The following HIVEP3 variants were observed in gnomAD, a reference collection of about 807,000 sequenced individuals.
The protein encoded by HIVEP3 is transcription factor HIVEP3.
A neutral mutation model predicts 152.8 loss-of-function variants in HIVEP3; 49 were observed. The observed-to-expected ratio is 0.32, with a 90% CI of 0.26 to 0.41. The LOEUF (loss-of-function observed/expected upper bound fraction) is 0.41. Ranked by LOEUF, HIVEP3 falls within the 10% of genes least tolerant of loss-of-function variation. The pLI is 1.00. For missense variants in HIVEP3, 2,790 were observed against 3,103.3 expected, an observed-to-expected ratio of 0.90 and a Z score of 2.40; for synonymous variants, 1,269 against 1,289.0, an observed-to-expected ratio of 0.98 and a Z score of 0.33.
chr1:41,760,989 C>T (rs1386994547), intron 1 of HIVEP3, among the ~76,000 whole-genome samples: 1 of 152,194 alleles, frequency 6.6e-6, no homozygotes, highest in Non-Finnish European at 1.5e-5. Context: ...GCTCCCTTCT[C>T]TTTTTTGGAA....
At chr1:41,562,635 C>T (rs369455663) in intron 5 of HIVEP3, among the ~76,000 whole-genome samples, 35,075 of 92,964 alleles carry the variant, frequency 0.38, 5,550 homozygotes, top group Non-Finnish European at 0.52. Context: ...CTCTCTCTCC[C>T]TCTCTCTCTC....
At chr1:41,737,924 C>A (rs1646942143) in intron 1 of HIVEP3, among the ~76,000 whole-genome samples, 1 of 152,210 alleles carries the variant, frequency 6.6e-6, no homozygotes, top group South Asian at 2.1e-4. Flanking sequence ...ATCCTACTTG[C>A]CAGGCCCTGT....
At chr1:41,958,588 C>T (rs1451644723) in intron 1 of HIVEP3, among the ~76,000 whole-genome samples, 2 of 152,206 alleles carry the variant, frequency 1.3e-5, no homozygotes, top group East Asian at 3.9e-4. Flanking sequence ...CAGGCCCACC[C>T]CCACTATGTC....
In HIVEP3 at chr1:41,583,793, G is replaced by A. The variant is rs775734885; in HGVS notation, c.1005C>T (p.Leu335=). The A allele has an allele frequency of 5.1e-5, 82 of 1,592,392 alleles. No homozygotes were observed. Among genetic ancestry groups the A allele is most frequent in the Non-Finnish European group, 6.7e-5 (78 of 1,168,672 alleles). ...GTTCCACAAATGGAGGGGGGTCTTC[G>A]AGTGACTGGGCTGTGCTGGACTGGG... The part of the protein sequence containing the change: ...SLSQSSTAQS[L]EDPPPFVEPS... The change falls in exon 4 of 9, where the codon CTC becomes CTT. Residue 335 remains leucine, a synonymous_variant. Coordinates refer to ENST00000372583, the MANE Select transcript of HIVEP3 (RefSeq NM_024503.5). The surrounding 1 kb of genome is among the most constrained non-coding windows in gnomAD (Gnocchi z 6.9).
chr1:41,722,261 CCT>C (rs916893572), intron 1 of HIVEP3, among the ~76,000 whole-genome samples: 4 of 152,206 alleles, frequency 2.6e-5, no homozygotes, highest in Non-Finnish European at 5.9e-5. Context: ...CCTCCCTTCA[CCT>C]CTCTGACATC....
Position 41,583,210 on chromosome 1 carries a change from T to C in HIVEP3, c.1588A>G (p.Ser530Gly). Residue 530 changes from serine (S) to glycine (G), a missense_variant, in exon 4 of 9, where the codon AGT becomes GGT. By Grantham distance (56) the Ser-to-Gly change is moderately conservative. This residue lies in a region of HIVEP3 where 339 missense variants were observed against 327.0 expected (regional missense o/e 1.04). Transcript: ENST00000372583. This position sits in a 1 kb window ranked among gnomAD's most constrained non-coding sequence, Gnocchi z 6.9. ...AGGAGAGGCACAGGGGGGGCGGTACTGGGCGGGTGCTGGAGGCTCAGCAGT... is the reference window on the plus strand; with the variant it reads ...AGGAGAGGCACAGGGGGGGCGGTACCGGGCGGGTGCTGGAGGCTCAGCAGT... ...QSLLSLQHPPSTAPPVPLLRS... is the reference protein window; with the variant it reads ...QSLLSLQHPPGTAPPVPLLRS... The C allele has an allele frequency of 6.3e-7, 1 of 1,589,060 alleles. No individual in the cohort carries two copies. The highest frequency in any genetic ancestry group is 8.6e-7 in the Non-Finnish European group (1 of 1,158,662).
chr1:41,635,318 A>G (rs1210471099), intron 2 of HIVEP3, among the ~76,000 whole-genome samples: 1 of 152,092 alleles, frequency 6.6e-6, no homozygotes, highest in Non-Finnish European at 1.5e-5. Flanking sequence ...AGAAAATACA[A>G]AGCTTAGATG....
At chr1:41,738,521 G>T (rs1372363671) in intron 1 of HIVEP3, among the ~76,000 whole-genome samples, 2 of 152,174 alleles carry the variant, frequency 1.3e-5, no homozygotes, top group Non-Finnish European at 2.9e-5. Flanking sequence ...AAAAGCTTAA[G>T]AAGTTTTGAG....
rs1036143386 is a variant in HIVEP3, at chr1:41,678,715, G to A, written c.-721+22201C>T. On this transcript the variant is annotated intron_variant, in intron 2 of 8. Coordinates refer to ENST00000372583, the MANE Select transcript of HIVEP3 (RefSeq NM_024503.5). The stretch of plus-strand genomic sequence containing the variant: ...ACCTCTTGGTTACAGTGACTGTGAC[G>A]ACTGCCCTACCCGCTTGAGGCCAGG... Among the ~76,000 whole-genome samples, 4 of 149,946 alleles carry A rather than the reference G, an allele frequency of 2.7e-5. No homozygotes were observed. The South Asian group carries it at 6.2e-4, about 23-fold the overall frequency.
At chr1:42,028,044 C>T (rs1400134385) in intron 1 of HIVEP3, among the ~76,000 whole-genome samples, 2 of 152,326 alleles carry the variant, frequency 1.3e-5, no homozygotes, top group East Asian at 3.9e-4. Flanking sequence ...ATTTACATCT[C>T]TGCTCAGATA....
intron 1 of HIVEP3, among the ~76,000 whole-genome samples, chr1:42,023,737 C>G (rs1645567269): frequency 6.6e-6 from 1 of 152,148 alleles, no homozygotes. Context: ...TTCCTGAGAC[C>G]ACTGCAGAAA....
chr1:41,844,111 G>C (rs1259230367), intron 1 of HIVEP3, among the ~76,000 whole-genome samples: 1 of 152,180 alleles, frequency 6.6e-6, no homozygotes, highest in Admixed American at 6.5e-5. Context: ...CCAAACTGAG[G>C]ATAGTAAAGA....
At position 41,829,693 on chromosome 1, in the gene HIVEP3, T is replaced by C. The variant is rs138678183; in HGVS notation, c.-801+88720A>G. Reference sequence around the variant, plus strand: ...ATACAAACTGATAAAAACTATGAAATATATTCATATACATTGAACAAAGGT... The same window carrying C: ...ATACAAACTGATAAAAACTATGAAACATATTCATATACATTGAACAAAGGT... On this transcript the variant is annotated intron_variant, in intron 1 of 8. Coordinates refer to ENST00000372583, the MANE Select transcript of HIVEP3 (RefSeq NM_024503.5). Among the ~76,000 whole-genome samples the C allele has an allele frequency of 5.9e-5, 9 of 151,802 alleles. No individual in the cohort carries two copies. The East Asian group carries it at 1.7e-3, about 29-fold the overall frequency.
chr1:41,633,428 G>A (rs1482808673), intron 2 of HIVEP3, among the ~76,000 whole-genome samples: 1 of 152,078 alleles, frequency 6.6e-6, no homozygotes, highest in Non-Finnish European at 1.5e-5. Context: ...GTGGGGTCCT[G>A]AAATCCCCCC....
chr1:41,544,659 A>ATCG (rs1643623281), intron 5 of HIVEP3, among the ~76,000 whole-genome samples: 35 of 144,174 alleles, frequency 2.4e-4, no homozygotes, highest in African/African-American at 8.6e-4. Context: ...CACTACCACC[A>ATCG]CTACTACCAC....
chr1:41,622,110 C>T (rs1645055174), intron 3 of HIVEP3, among the ~76,000 whole-genome samples: 1 of 152,196 alleles, frequency 6.6e-6, no homozygotes, highest in Non-Finnish European at 1.5e-5. Context: ...ATAACAAATG[C>T]TTACTGAGCA....
chr1:41,786,022 C>G (rs1183209881), intron 1 of HIVEP3, among the ~76,000 whole-genome samples: 3 of 152,084 alleles, frequency 2.0e-5, no homozygotes, highest in Admixed American at 2.0e-4. Flanking sequence ...GGTTACTAAA[C>G]CCCACCTCAT....
chr1:42,031,125 T>C (rs925452398), intron 1 of HIVEP3, among the ~76,000 whole-genome samples: 3 of 152,180 alleles, frequency 2.0e-5, no homozygotes, highest in Admixed American at 1.3e-4. Context: ...AAAAATTCCC[T>C]AGAACTTTTC....
intron 5 of HIVEP3, among the ~76,000 whole-genome samples, chr1:41,529,258 TCA>T (rs1454376734): frequency 1.3e-5 from 1 of 76,828 alleles, no homozygotes; most frequent in Admixed American, 1.5e-4. Flanking sequence ...ACACTTACCT[TCA>T]CACTCACACA....
Sources: allele counts gnomAD v4.1 joint callset (sites outside exome capture counted in the v4.1 genomes callset), GRCh38; gene constraint gnomAD v4.1.1; regional missense constraint gnomAD v4.1.1; non-coding constraint Gnocchi (gnomAD v3.1); transcripts MANE v1.5; gene names NCBI Gene and HGNC (gene_info 2026-07-23, HGNC 2026-07-21).